RNASEH2B: variants seen among roughly 807,000 people sequenced by gnomAD.
RNASEH2B encodes Aicardi-Goutieres syndrome 2 protein.
In RNASEH2B, 36 loss-of-function variants were observed where a neutral mutation model predicts 45.0. That is an observed-to-expected ratio of 0.80 (90% CI 0.61 to 1.06). RNASEH2B has a LOEUF of 1.06. RNASEH2B is among the 50% of genes least tolerant of loss of function. The pLI, the probability that RNASEH2B is intolerant of heterozygous loss-of-function variation, is 0.00. For missense variants in RNASEH2B, 361 were observed against 360.3 expected (o/e 1.00, Z -0.02); for synonymous variants, 119 against 125.7 (o/e 0.95, Z 0.35).
At chr13:50,966,958 T>A (rs1952171181) in intron 9 of RNASEH2B, among the ~76,000 whole-genome samples, 1 of 152,222 alleles carries the variant, frequency 6.6e-6, no homozygotes, top group African/African-American at 2.4e-5. Context: ...CTAAACAGAC[T>A]AATTAATACA....
At chr13:50,963,711 T>A (rs541655229) in intron 9 of RNASEH2B, among the ~76,000 whole-genome samples, 1 of 152,312 alleles carries the variant, frequency 6.6e-6, no homozygotes, top group East Asian at 1.9e-4. Flanking sequence ...ACAAAAATAG[T>A]AGAGTTTAGA....
rs763229293 is a variant in RNASEH2B, at chr13:50,927,440, A to C, written c.98A>C (p.Asn33Thr). 6 of 1,601,906 alleles carry C rather than the reference A, an allele frequency of 3.7e-6. No individual in the cohort carries two copies. Among genetic ancestry groups the C allele is most frequent in the Non-Finnish European group, 5.1e-6 (6 of 1,169,172 alleles). ...AAAGATGCTTCAAAGAAGATGAAAA[A>C]TGGGCTAATGTTTGTAAAACTGGTT... is the stretch of plus-strand genomic sequence containing the variant. The part of the protein sequence containing the change: ...YLKDASKKMK[N>T]GLMFVKLVNP... The change falls in exon 2 of 11, where the codon AAT becomes ACT. Residue 33 changes from asparagine to threonine, a missense_variant. Coordinates refer to ENST00000336617, the MANE Select transcript of RNASEH2B (RefSeq NM_024570.4).
intron 7 of RNASEH2B, among the ~76,000 whole-genome samples, chr13:50,947,618 A>G (rs1373303336): frequency 1.3e-5 from 2 of 152,162 alleles, no homozygotes; most frequent in African/African-American, 4.8e-5. Context: ...CTTTTAAAAA[A>G]GACATGACTA....
At chr13:50,946,024 G>C (rs1951896502) in intron 7 of RNASEH2B, among the ~76,000 whole-genome samples, 1 of 152,186 alleles carries the variant, frequency 6.6e-6, no homozygotes, top group South Asian at 2.1e-4. Flanking sequence ...TACTGTTCCA[G>C]TGGCTGCATC....
chr13:50,910,242 G>A (rs1410470391), intron 1 of RNASEH2B, 102 bp downstream of exon 1: 40 of 755,264 alleles, frequency 5.3e-5, no homozygotes, highest in Non-Finnish European at 7.2e-5. Context: ...CCACTACCCG[G>A]CCCGGCGCGG....
chr13:50,956,549 C>T lies in RNASEH2B; in HGVS notation c.*75C>T, dbSNP rs1411927407. On this transcript the variant is annotated 3_prime_UTR_variant, in exon 11 of 11. Transcript: ENST00000336617. ...GTTTGTCCTTCCTGACTGTTAATGA[C>T]TACCTTTGGTTGGGGGAAGGAAGAG... 1.9e-5 allele frequency: 30 copies of T among 1,543,112 alleles called. No individual in the cohort carries two copies. Among genetic ancestry groups the T allele is most frequent in the Admixed American group, 1.5e-4 (8 of 51,956 alleles).
At chr13:50,939,610 A>G (rs1951809378) in intron 5 of RNASEH2B, among the ~76,000 whole-genome samples, 1 of 152,226 alleles carries the variant, frequency 6.6e-6, no homozygotes, top group South Asian at 2.1e-4. Flanking sequence ...AGAATCTAGA[A>G]ATAAACCCAC....
rs60335654 is a variant in RNASEH2B at position 50,931,955 on chromosome 13, TACACACACACAC to T, written c.321+1213_321+1224del. On this transcript the variant is annotated intron_variant, in intron 4 of 10. Coordinates refer to ENST00000336617, the MANE Select transcript of RNASEH2B (RefSeq NM_024570.4). ...TTCCAAATGTTGACACATCTCATTT[TACACACACACAC>T]ACACACACACACACACTCCCTTTTG... Among the ~76,000 whole-genome samples, 6 of 149,034 alleles carry T rather than the reference TACACACACACAC, an allele frequency of 4.0e-5. No individual in the cohort carries two copies. In the East Asian group the frequency reaches 5.9e-4, roughly 15 times the overall value.
chr13:50,963,109 A>G (rs1462361472), intron 9 of RNASEH2B, among the ~76,000 whole-genome samples: 4 of 151,754 alleles, frequency 2.6e-5, no homozygotes, highest in African/African-American at 9.7e-5. Context: ...ATAGCATTTC[A>G]TCTTCTGTTA....
At chr13:50,964,442 C>T (rs966666242) in intron 9 of RNASEH2B, among the ~76,000 whole-genome samples, 2 of 152,096 alleles carry the variant, frequency 1.3e-5, no homozygotes, top group East Asian at 3.9e-4. Flanking sequence ...CTCATTTAAT[C>T]CCTACAAAAA....
intron 9 of RNASEH2B, among the ~76,000 whole-genome samples, chr13:50,964,761 G>A (rs769683730): frequency 5.9e-5 from 9 of 152,146 alleles, no homozygotes; most frequent in Non-Finnish European, 1.0e-4. Context: ...TGCCTAAGCT[G>A]TTTTCTGGGT....
chr13:50,936,869 A>G (rs1951758865), intron 5 of RNASEH2B: 2 of 152,160 alleles, frequency 1.3e-5, no homozygotes, highest in South Asian at 4.1e-4. Context: ...TTGTACACCG[A>G]ACTCCTGACC....
chr13:50,941,060 C>A (rs1158228729), intron 5 of RNASEH2B: 2 of 152,210 alleles, frequency 1.3e-5, no homozygotes, highest in Non-Finnish European at 2.9e-5. Context: ...TTCTGAGATT[C>A]ATTCTGATCA....
At chr13:50,923,442 C>T (rs1951550107) in intron 1 of RNASEH2B, among the ~76,000 whole-genome samples, 1 of 152,080 alleles carries the variant, frequency 6.6e-6, no homozygotes, top group Non-Finnish European at 1.5e-5. Flanking sequence ...AAAAATGACT[C>T]ATCAAATAAA....
intron 5 of RNASEH2B, chr13:50,942,342 C>A (rs1951843142): frequency 6.6e-6 from 1 of 152,046 alleles, no homozygotes; most frequent in Non-Finnish European, 1.5e-5. Context: ...CCAGATTGAG[C>A]CTACCATAAA....
intron 9 of RNASEH2B, chr13:50,950,444 CA>C (rs1951961968): frequency 6.6e-6 from 1 of 152,144 alleles, no homozygotes. Context: ...GGCCTATGTT[CA>C]GCATGTTGTC....
At position 50,943,338 on chromosome 13, in the gene RNASEH2B, A is replaced by G. The variant is rs1300326545; in HGVS notation, c.454A>G (p.Asn152Asp). The change falls in exon 6 of 11, where the codon AAC (asparagine) becomes GAC (aspartate). Residue 152 changes from asparagine to aspartate, a missense_variant. Asn to Asp is a conservative substitution (Grantham distance 23). Transcript: ENST00000336617. ...CTTTTAAGGTAATCCAGAAATAGAC[A>G]ACAAGAAATATTACAAGTACAGCAA... ...TEEKGNPEID[N>D]KKYYKYSKEK... is the part of the protein sequence containing the mutation. 1.3e-6 allele frequency: 2 copies of G among 1,599,490 alleles called. No individual in the cohort carries two copies. The highest frequency in any genetic ancestry group is 1.7e-6 in the Non-Finnish European group (2 of 1,167,614).
chr13:50,952,682 T>G (rs1951992326), intron 9 of RNASEH2B: 1 of 152,260 alleles, frequency 6.6e-6, no homozygotes, highest in African/African-American at 2.4e-5. Flanking sequence ...ATTACAGGCA[T>G]GAGTCACTGC....
At chr13:50,940,047 T>G (rs993827225) in intron 5 of RNASEH2B, among the ~76,000 whole-genome samples, 1 of 152,230 alleles carries the variant, frequency 6.6e-6, no homozygotes, top group African/African-American at 2.4e-5. Context: ...GACAATTTCT[T>G]ACAACTCAGG....
Sources: gnomAD v4.1 joint callset for allele counts (sites outside exome capture counted in the v4.1 genomes callset) on GRCh38, gnomAD v4.1.1 for gene constraint, MANE v1.5 for transcripts, NCBI Gene and HGNC (gene_info 2026-07-23, HGNC 2026-07-21) for gene names.